Variants in GIMAP2 observed in about 807,000 individuals in gnomAD.
The protein encoded by GIMAP2 is GTPase IMAP family member 2.
A neutral mutation model predicts 25.5 loss-of-function variants in GIMAP2; 22 were observed. The ratio of observed to expected loss-of-function variants is 0.86; its 90% CI spans 0.62 to 1.23. GIMAP2 has a LOEUF of 1.23. Among genes scored for constraint, GIMAP2 ranks in the 50% most tolerant of loss-of-function variants. The pLI is 0.00. For missense variants in GIMAP2, 422 were observed against 395.7 expected (o/e 1.07, Z -0.56); for synonymous variants, 167 against 143.0 (o/e 1.17, Z -1.20).
chr7:150,690,097 G>A (rs890524385), intron 2 of GIMAP2, among the ~76,000 whole-genome samples: 1 of 152,146 alleles, frequency 6.6e-6, no homozygotes, highest in African/African-American at 2.4e-5. Context: ...ATACATGCTA[G>A]GAAGCTATGT....
Position 150,687,104 on chromosome 7 carries a change from ACGTGTGTGTG to A in GIMAP2, c.28+18_28+27del, listed in dbSNP as rs775992213. 8.7e-5 allele frequency: 119 copies of A among 1,371,168 alleles called. No homozygotes were observed. The highest frequency in any genetic ancestry group is 1.1e-4 in the Non-Finnish European group (113 of 990,140). 84.9% of individuals were successfully genotyped at this position (1,371,168 alleles called of 1,614,324 possible). On this transcript the variant is annotated intron_variant, in intron 2 of 2. Coordinates refer to ENST00000223293, the MANE Select transcript of GIMAP2 (RefSeq NM_015660.3). The stretch of plus-strand genomic sequence containing the variant: ...GTCACTGGGGTAAGAAGGTGACTTC[ACGTGTGTGTG>A]TGTGTGTGTGTGTGTGTGTGTGTGT...
At chr7:150,687,262 C>CTTTGTTTG (rs146938233) in intron 2 of GIMAP2, 175 bp downstream of exon 2, 28,262 of 553,690 alleles carry the variant, frequency 0.051, 1,779 homozygotes, top group African/African-American at 0.23. Context: ...GTTTTGTTTT[C>CTTTGTTTG]TTTGTTTGTT....
intron 2 of GIMAP2, 29 bp from the exon 3 acceptor site, chr7:150,692,286 C>A (rs1253746412): frequency 1.2e-6 from 2 of 1,602,736 alleles, no homozygotes; most frequent in South Asian, 2.2e-5. Context: ...ATCAGTGTAG[C>A]GATAACACAG....
At chr7:150,691,816 T>C (rs1234952955) in intron 2 of GIMAP2, among the ~76,000 whole-genome samples, 1 of 152,248 alleles carries the variant, frequency 6.6e-6, no homozygotes, top group Non-Finnish European at 1.5e-5. Context: ...TATGTTTTCC[T>C]AGGCTCCAAC....
intron 2 of GIMAP2, chr7:150,689,676 G>T (rs2116504418): frequency 1.7e-6 from 1 of 596,734 alleles, no homozygotes; most frequent in Non-Finnish European, 3.1e-6. Context: ...CAGAAAATAA[G>T]ATTAAATGTC....
At chr7:150,686,837 G>C (rs1311587858) in intron 1 of GIMAP2, among the ~76,000 whole-genome samples, 1 of 151,220 alleles carries the variant, frequency 6.6e-6, no homozygotes. Flanking sequence ...CCAGCTACTC[G>C]GGAGGCTGAG....
At chr7:150,686,073 T>C (rs1796896999) in intron 1 of GIMAP2, among the ~76,000 whole-genome samples, 1 of 152,206 alleles carries the variant, frequency 6.6e-6, no homozygotes, top group African/African-American at 2.4e-5. Flanking sequence ...GTACGCTTGG[T>C]CTATGCCTGC....
At chr7:150,688,427 G>A (rs117573574) in intron 2 of GIMAP2, among the ~76,000 whole-genome samples, 2 of 152,102 alleles carry the variant, frequency 1.3e-5, no homozygotes, top group African/African-American at 2.4e-5. Context: ...CACCACGCCC[G>A]GCCACAATCT....
chr7:150,693,351 A>G lies in GIMAP2; in HGVS notation c.*51A>G. 1 of 1,242,482 alleles carries G rather than the reference A, an allele frequency of 8.0e-7. No homozygotes were observed. 77.0% of individuals were successfully genotyped at this position (1,242,482 alleles called of 1,614,324 possible). ...CACTATCATTTAGTGGGTGAATCACAGTAATTTCCCTGTAAAATGTGGTAC... is the reference window on the plus strand; with the variant it reads ...CACTATCATTTAGTGGGTGAATCACGGTAATTTCCCTGTAAAATGTGGTAC... On this transcript the variant is annotated 3_prime_UTR_variant, in exon 3 of 3. Coordinates refer to ENST00000223293, the MANE Select transcript of GIMAP2 (RefSeq NM_015660.3).
chr7:150,688,919 A>G (rs1796935509), intron 2 of GIMAP2, among the ~76,000 whole-genome samples: 1 of 152,106 alleles, frequency 6.6e-6, no homozygotes, highest in South Asian at 2.1e-4. Flanking sequence ...TCCCACCCTC[A>G]TGGCACCCCT....
chr7:150,689,389 C>T, intron 2 of GIMAP2: 2 of 630,192 alleles, frequency 3.2e-6, no homozygotes, highest in Non-Finnish European at 5.8e-6. Flanking sequence ...TCCCTATACC[C>T]TCCCCATGGG....
At chr7:150,688,016 A>G (rs190862415) in intron 2 of GIMAP2, among the ~76,000 whole-genome samples, 1 of 152,272 alleles carries the variant, frequency 6.6e-6, no homozygotes, top group East Asian at 1.9e-4. Context: ...CTCTGGCTTC[A>G]TTGTGTATGG....
intron 2 of GIMAP2, among the ~76,000 whole-genome samples, chr7:150,690,797 T>C (rs1195461834): frequency 1.3e-5 from 2 of 152,212 alleles, no homozygotes; most frequent in Non-Finnish European, 2.9e-5. Flanking sequence ...ATTAATCAGT[T>C]GTCCAAGATC....
At position 150,692,631 on chromosome 7, in the gene GIMAP2, G is replaced by T; in HGVS notation, c.345G>T (p.Leu115=). The T allele has an allele frequency of 6.2e-7, 1 of 1,614,180 alleles. No individual in the cohort carries two copies. ...GPHVLLLVTQ[L]GRYTSQDQQA... Reference sequence around the variant, plus strand: ...ATGTGCTGCTCCTGGTGACTCAGCTGGGCCGCTATACCTCACAGGACCAGC... The same window carrying T: ...ATGTGCTGCTCCTGGTGACTCAGCTTGGCCGCTATACCTCACAGGACCAGC... Residue 115 remains leucine (L), a synonymous_variant, in exon 3 of 3, where the codon CTG becomes CTT. Transcript: ENST00000223293.
Position 150,692,612 on chromosome 7 carries a change from T to C in GIMAP2, c.326T>C (p.Leu109Pro), listed in dbSNP as rs749080530. 4 of 1,614,030 alleles carry C rather than the reference T, an allele frequency of 2.5e-6. No individual in the cohort carries two copies. Among genetic ancestry groups the C allele is most frequent in the Non-Finnish European group, 3.4e-6 (4 of 1,179,868 alleles). The change falls in exon 3 of 3, where the codon CTG becomes CCG. Residue 109 changes from leucine (L) to proline (P), a missense_variant. Transcript: ENST00000223293. ...CTGTCTGCACCAGGACCCCATGTGCTGCTCCTGGTGACTCAGCTGGGCCGC... is the reference window on the plus strand; with the variant it reads ...CTGTCTGCACCAGGACCCCATGTGCCGCTCCTGGTGACTCAGCTGGGCCGC... ...YLLSAPGPHV[L>P]LLVTQLGRYT...
chr7:150,688,230 A>T (rs1181867757), intron 2 of GIMAP2, among the ~76,000 whole-genome samples: 3 of 152,128 alleles, frequency 2.0e-5, no homozygotes, highest in African/African-American at 7.2e-5. Flanking sequence ...TCTCAGGTTC[A>T]AGTGATTCTC....
chr7:150,686,039 G>A (rs981634160), intron 1 of GIMAP2, among the ~76,000 whole-genome samples: 4 of 152,148 alleles, frequency 2.6e-5, no homozygotes, highest in South Asian at 4.1e-4. Flanking sequence ...GGCATTAATC[G>A]GTGGCTTTCA....
chr7:150,686,842 G>T (rs961916779), intron 1 of GIMAP2, among the ~76,000 whole-genome samples: 1 of 150,664 alleles, frequency 6.6e-6, no homozygotes, highest in Middle Eastern at 3.2e-3. Flanking sequence ...TACTCGGGAG[G>T]CTGAGGCAGG....
intron 2 of GIMAP2, among the ~76,000 whole-genome samples, chr7:150,689,158 C>T (rs1290799340): frequency 6.6e-6 from 1 of 152,224 alleles, no homozygotes; most frequent in Non-Finnish European, 1.5e-5. Flanking sequence ...CATGTTTATA[C>T]ATGTCTCCAA....
Sources: gnomAD v4.1 joint callset for allele counts (sites outside exome capture counted in the v4.1 genomes callset) on GRCh38, gnomAD v4.1.1 for gene constraint, MANE v1.5 for transcripts, NCBI Gene and HGNC (gene_info 2026-07-23, HGNC 2026-07-21) for gene names.